The following NHS variants were observed in gnomAD, a reference collection of about 807,000 sequenced individuals.
NHS encodes the protein NHS actin remodeling regulator.
In NHS, 5 loss-of-function variants were observed where a neutral mutation model predicts 72.5. The ratio of observed to expected loss-of-function variants is 0.07; its 90% CI spans 0.04 to 0.14. The LOEUF is 0.14. Among genes scored for constraint, NHS ranks in the 10% least tolerant of loss-of-function variants. The pLI is 1.00. For missense variants in NHS, 1,072 were observed against 1,355.7 expected, an observed-to-expected ratio of 0.79 and a Z score of 3.29; for synonymous variants, 464 against 547.7, an observed-to-expected ratio of 0.85 and a Z score of 2.13.
chrX:17,496,593 A>T (rs945632262), intron 1 of NHS, among the ~76,000 whole-genome samples: 1 of 111,588 alleles, frequency 9.0e-6, no homozygotes, highest in Non-Finnish European at 1.9e-5. Context: ...AGCAGATGTC[A>T]AAAAGAGCAC....
intron 3 of NHS, among the ~76,000 whole-genome samples, chrX:17,708,352 C>A (rs1200030478): frequency 1.8e-5 from 2 of 111,781 alleles, no homozygotes; most frequent in African/African-American, 6.5e-5. Flanking sequence ...CCTCAGCCAA[C>A]CCAAACTACA....
intron 1 of NHS, among the ~76,000 whole-genome samples, chrX:17,474,312 C>T (rs1455905760): frequency 6.2e-5 from 7 of 112,177 alleles, no homozygotes; most frequent in Non-Finnish European, 1.1e-4. Flanking sequence ...GTCTTTATAT[C>T]CTGAGAGAGC....
intron 1 of NHS, among the ~76,000 whole-genome samples, chrX:17,393,511 T>C (rs1235980276): frequency 1.8e-5 from 2 of 112,515 alleles, no homozygotes; most frequent in Non-Finnish European, 3.8e-5. Context: ...CTCTGTGTAA[T>C]TGGCGTTTGA....
intron 1 of NHS, among the ~76,000 whole-genome samples, chrX:17,589,319 T>C (rs12558116): frequency 0.48 from 52,571 of 109,557 alleles, 9,961 homozygotes; most frequent in East Asian, 0.7. Context: ...ACCTTCCCAC[T>C]CTTTTTACTC....
chrX:17,437,424 TC>T (rs766721343), intron 1 of NHS, among the ~76,000 whole-genome samples: 13 of 111,794 alleles, frequency 1.2e-4, no homozygotes, highest in Non-Finnish European at 2.4e-4. Flanking sequence ...GTCTCTCTCT[TC>T]TTACCATTTG....
At chrX:17,481,494 G>A (rs2064945928) in intron 1 of NHS, among the ~76,000 whole-genome samples, 1 of 111,432 alleles carries the variant, frequency 9.0e-6, no homozygotes, top group Non-Finnish European at 1.9e-5. Context: ...TGTTGCAAGT[G>A]TTTCTACTGA....
Position 17,726,907 on chromosome X carries a change from C to T in NHS, c.2801C>T (p.Pro934Leu), listed in dbSNP as rs768683679. ...CAGTTAGATGCTTCGGATATTCCAC[C>T]ATTCAAAGATGAAGTTGCCGAATCC... ...EPQLDASDIP[P>L]FKDEVAESTH... The change falls in exon 7 of 9, where the codon CCA (proline) becomes CTA (leucine). Residue 934 changes from proline to leucine, a missense_variant. Coordinates refer to ENST00000676302, the MANE Select transcript of NHS (RefSeq NM_001291867.2). The T allele has an allele frequency of 8.3e-7, 1 of 1,211,488 alleles. No homozygotes were observed. Among genetic ancestry groups the T allele is most frequent in the Non-Finnish European group, 1.1e-6 (1 of 895,358 alleles).
chrX:17,678,661 C>A (rs1049760169), intron 1 of NHS, among the ~76,000 whole-genome samples: 1 of 110,714 alleles, frequency 9.0e-6, no homozygotes, highest in East Asian at 2.9e-4. Flanking sequence ...CCCACCAGGC[C>A]CCACCTCCAA....
chrX:17,508,847 T>C (rs1719959551), intron 1 of NHS, among the ~76,000 whole-genome samples: 1 of 112,443 alleles, frequency 8.9e-6, no homozygotes, highest in Admixed American at 9.5e-5. Flanking sequence ...TAGTGCCATG[T>C]GAACATTTGT....
intron 1 of NHS, among the ~76,000 whole-genome samples, chrX:17,446,656 CAAA>C (rs565284624): frequency 3.3e-5 from 3 of 90,489 alleles, no homozygotes; most frequent in African/African-American, 1.2e-4. Flanking sequence ...CCTTTTTGCC[CAAA>C]AAAAAAAAAA....
At position 17,721,475 on chromosome X, in the gene NHS, T is replaced by C. The variant is rs1178976697; in HGVS notation, c.950T>C (p.Met317Thr). 9 of 1,211,574 alleles carry C rather than the reference T, an allele frequency of 7.4e-6. No homozygotes were observed. The highest frequency in any genetic ancestry group is 4.3e-5 in the Admixed American group (2 of 45,984). ...CCAGAGGATGAAGATACAGATGTCA[T>C]GTTAGGGCAGAGGCCGAAAAACCCA... is the stretch of plus-strand genomic sequence containing the variant. ...HPPEDEDTDV[M>T]LGQRPKNPIH... Residue 317 changes from methionine to threonine, a missense_variant, in exon 5 of 9, where the codon ATG becomes ACG. Met to Thr is a moderately conservative substitution (Grantham distance 81, BLOSUM62 -1). Coordinates refer to ENST00000676302, the MANE Select transcript of NHS (RefSeq NM_001291867.2).
chrX:17,696,331 G>A (rs991033257), intron 3 of NHS, among the ~76,000 whole-genome samples: 9 of 112,195 alleles, frequency 8.0e-5, no homozygotes, highest in Non-Finnish European at 1.7e-4. Flanking sequence ...GGTAGGGAGA[G>A]GAAAGGGTTC....
chrX:17,609,781 A>G (rs2065700550), intron 1 of NHS, among the ~76,000 whole-genome samples: 1 of 111,702 alleles, frequency 9.0e-6, no homozygotes, highest in African/African-American at 3.3e-5. Context: ...GGTGATGGGA[A>G]GTAAGGAGTG....
chrX:17,578,247 T>C (rs1368098877), intron 1 of NHS, among the ~76,000 whole-genome samples: 9 of 112,216 alleles, frequency 8.0e-5, no homozygotes, highest in Non-Finnish European at 3.8e-5. Flanking sequence ...TTTCCAGATG[T>C]TGGAAATGAT....
chrX:17,424,933 G>A (rs1437987449), intron 1 of NHS, among the ~76,000 whole-genome samples: 1 of 111,547 alleles, frequency 9.0e-6, no homozygotes, highest in African/African-American at 3.3e-5. Context: ...TTTATCAGAT[G>A]TTGGGGTGGT....
intron 1 of NHS, among the ~76,000 whole-genome samples, chrX:17,419,373 G>A (rs1450143850): frequency 8.9e-6 from 1 of 112,325 alleles, no homozygotes; most frequent in Non-Finnish European, 1.9e-5. Flanking sequence ...ACCGTCTAGT[G>A]TGTTTCTCAG....
At chrX:17,695,025 A>AGTATATGTATTT (rs2066219194) in intron 3 of NHS, among the ~76,000 whole-genome samples, 1 of 112,648 alleles carries the variant, frequency 8.9e-6, no homozygotes, top group Admixed American at 9.4e-5. Context: ...TATTTGTGCA[A>AGTATATGTATTT]GTGCCTAGCA....
intron 1 of NHS, among the ~76,000 whole-genome samples, chrX:17,484,782 G>A (rs745467919): frequency 9.1e-6 from 1 of 110,236 alleles, no homozygotes; most frequent in African/African-American, 3.3e-5. Flanking sequence ...GTGGACTCTG[G>A]ATTGGTTGGT....
intron 3 of NHS, among the ~76,000 whole-genome samples, chrX:17,712,282 TATATATATAC>T (rs1257317011): frequency 3.6e-4 from 28 of 78,821 alleles, no homozygotes; most frequent in African/African-American, 1.3e-3. Flanking sequence ...TATATATATA[TATATATATAC>T]ACACACACAC....
Sources: gnomAD v4.1 joint callset for allele counts (sites outside exome capture counted in the v4.1 genomes callset) on GRCh38, gnomAD v4.1.1 for gene constraint, MANE v1.5 for transcripts, NCBI Gene and HGNC (gene_info 2026-07-23, HGNC 2026-07-21) for gene names.